Variants in CPLANE1 observed in about 807,000 individuals in gnomAD.
The protein encoded by CPLANE1 is ciliogenesis and planar polarity effector complex subunit 1, also known as ciliogenesis and planar polarity effector 1.
A neutral mutation model predicts 362.5 loss-of-function variants in CPLANE1; 263 were observed. The ratio of observed to expected loss-of-function variants is 0.73; its 90% CI spans 0.66 to 0.80. The LOEUF (loss-of-function observed/expected upper bound fraction) is 0.80, where lower values mean the gene tolerates loss of function less well. Among genes scored for constraint, CPLANE1 ranks in the 30% least tolerant of loss-of-function variants. The pLI is 0.00. For synonymous variants in CPLANE1, 1,212 were observed against 1,302.6 expected (o/e 0.93, Z 1.50); for missense variants, 3,461 against 3,793.4 (o/e 0.91, Z 2.30).
intron 50 of CPLANE1, among the ~76,000 whole-genome samples, chr5:37,116,443 G>A (rs539807219): frequency 3.4e-4 from 43 of 128,064 alleles, no homozygotes; most frequent in African/African-American, 1.2e-3. Flanking sequence ...GTGAGATCAC[G>A]CCACTGCACT....
At chr5:37,095,500 A>C in the CPLANE1 span, among the ~76,000 whole-genome samples, 3,245 of 152,300 alleles carry the variant, frequency 0.021, 129 homozygotes, top group African/African-American at 0.075. Context: ...AAAAGTCGAA[A>C]GCATTCCCTC....
chr5:37,079,523 C>A, the CPLANE1 span, among the ~76,000 whole-genome samples: 2 of 152,174 alleles, frequency 1.3e-5, no homozygotes, highest in African/African-American at 4.8e-5. Flanking sequence ...ACTCCTACCA[C>A]AGAAGTTGAT....
chr5:37,176,309 T>C (rs944218355), intron 30 of CPLANE1, among the ~76,000 whole-genome samples: 3 of 152,098 alleles, frequency 2.0e-5, no homozygotes, highest in African/African-American at 7.2e-5. Flanking sequence ...GGAGACACTA[T>C]GCTCAGAACC....
At chr5:37,202,701 T>C (rs1324553196) in intron 18 of CPLANE1, among the ~76,000 whole-genome samples, 1 of 152,152 alleles carries the variant, frequency 6.6e-6, no homozygotes, top group Non-Finnish European at 1.5e-5. Flanking sequence ...TATATGAAAG[T>C]ACAGAATATA....
At chr5:37,219,547 A>C (rs1027634656) in intron 15 of CPLANE1, among the ~76,000 whole-genome samples, 4 of 152,030 alleles carry the variant, frequency 2.6e-5, no homozygotes, top group Non-Finnish European at 5.9e-5. Flanking sequence ...GAAAAAAAAA[A>C]TTAGCCAGGC....
chr5:37,219,196 C>G (rs1034251439), intron 15 of CPLANE1, among the ~76,000 whole-genome samples: 1 of 151,620 alleles, frequency 6.6e-6, no homozygotes, highest in African/African-American at 2.4e-5. Flanking sequence ...CGCAATATAC[C>G]AAGACTCATC....
intron 25 of CPLANE1, 54 bp from the exon 26 acceptor site, chr5:37,183,753 C>T: frequency 4.8e-6 from 6 of 1,240,466 alleles, no homozygotes; most frequent in Admixed American, 5.0e-5. Flanking sequence ...ATCACTAAAA[C>T]TGATCTTAGA....
chr5:37,144,137 C>T (rs1317247344), intron 43 of CPLANE1, among the ~76,000 whole-genome samples: 1 of 151,556 alleles, frequency 6.6e-6, no homozygotes, highest in African/African-American at 2.4e-5. Context: ...CGGTCAGGCA[C>T]GGTGGCTCAC....
intron 18 of CPLANE1, among the ~76,000 whole-genome samples, chr5:37,202,060 T>C (rs984685794): frequency 6.6e-6 from 1 of 152,096 alleles, no homozygotes; most frequent in African/African-American, 2.4e-5. Context: ...TCTTAGAATG[T>C]AGTTCTGAGT....
chr5:37,113,873 T>C (rs1246103631), intron 51 of CPLANE1, among the ~76,000 whole-genome samples: 1 of 152,186 alleles, frequency 6.6e-6, no homozygotes, highest in Non-Finnish European at 1.5e-5. Context: ...AGTGCAGTGG[T>C]GCAATTTCGG....
At chr5:37,162,590 A>G in intron 37 of CPLANE1, 24 bp from the exon 38 acceptor site, 1 of 1,525,402 alleles carries the variant, frequency 6.6e-7, no homozygotes, top group Non-Finnish European at 9.1e-7. Flanking sequence ...AAACATTGGA[A>G]GTAATCATTG....
chr5:37,246,204 T>A (rs1252422836), intron 2 of CPLANE1: 1 of 152,666 alleles, frequency 6.6e-6, no homozygotes, highest in African/African-American at 2.5e-5. Flanking sequence ...TGCCCAGCCT[T>A]AAGTGGAGTA....
At chr5:37,186,978 G>A (rs570204413) in intron 23 of CPLANE1, among the ~76,000 whole-genome samples, 30 of 149,894 alleles carry the variant, frequency 2.0e-4, no homozygotes, top group Middle Eastern at 3.5e-3. Flanking sequence ...GGAGAATGGC[G>A]TGAACCCGGG....
chr5:37,115,082 A>G, intron 50 of CPLANE1, 33 bp from the exon 51 acceptor site: 1 of 1,287,238 alleles, frequency 7.8e-7, no homozygotes, highest in Non-Finnish European at 1.1e-6. Flanking sequence ...TTAGCCTTCC[A>G]TAGACATCCA....
intron 21 of CPLANE1, among the ~76,000 whole-genome samples, chr5:37,193,285 T>C (rs1400732153): frequency 1.3e-5 from 2 of 152,188 alleles, no homozygotes; most frequent in Non-Finnish European, 2.9e-5. Flanking sequence ...TTGTTGCAAG[T>C]GGGTGAGAGG....
intron 41 of CPLANE1, among the ~76,000 whole-genome samples, chr5:37,156,512 G>A (rs1775150661): frequency 6.6e-6 from 1 of 152,088 alleles, no homozygotes; most frequent in Non-Finnish European, 1.5e-5. Context: ...GGCTGAGGCA[G>A]GAGGATCCCT....
chr5:37,174,085 AC>A (rs1363778760), intron 31 of CPLANE1, 138 bp from the exon 32 acceptor site: 11 of 744,716 alleles, frequency 1.5e-5, no homozygotes, highest in Non-Finnish European at 1.7e-5. Context: ...AGAAATTTAA[AC>A]CCTAAAGCCT....
chr5:37,208,461 A>T (rs1036622139), intron 16 of CPLANE1, among the ~76,000 whole-genome samples: 5 of 152,176 alleles, frequency 3.3e-5, no homozygotes, highest in Admixed American at 6.5e-5. Context: ...GCGGATCAGG[A>T]GGTCAGGAGA....
rs528530069 is a variant in CPLANE1, at chr5:37,206,219, T to G, written c.3127A>C (p.Lys1043Gln). Residue 1043 changes from lysine (K) to glutamine (Q), a missense_variant, in exon 17 of 53, where the codon AAA becomes CAA. Coordinates refer to ENST00000651892, the MANE Select transcript of CPLANE1 (RefSeq NM_001384732.1). Reference protein sequence around the residue: ...SIGVAFQLFCKRDSNFMRSKK... With the variant: ...SIGVAFQLFCQRDSNFMRSKK... ...TACCTCATGAAATTGCTATCACGTT[T>G]ACAGAACAGCTGGAAAGCCACACCA... 6.4e-7 allele frequency: 1 copy of G among 1,551,784 alleles called. No homozygotes were observed. Among genetic ancestry groups the G allele is most frequent in the Admixed American group, 2.0e-5 (1 of 51,014 alleles).
Sources: allele counts gnomAD v4.1 joint callset (sites outside exome capture counted in the v4.1 genomes callset), GRCh38; gene constraint gnomAD v4.1.1; transcripts MANE v1.5; gene names NCBI Gene and HGNC (gene_info 2026-07-23, HGNC 2026-07-21).